KLHL1: variants seen among roughly 807,000 people sequenced by gnomAD.
The protein encoded by KLHL1 is kelch-like protein 1.
A neutral mutation model predicts 77.7 loss-of-function variants in KLHL1; 47 were observed. That is an observed-to-expected ratio of 0.60 (90% confidence interval 0.48 to 0.77). KLHL1 has a LOEUF of 0.77. Among genes scored for constraint, KLHL1 ranks in the 30% least tolerant of loss-of-function variants. The pLI is 0.00. For synonymous variants in KLHL1, 360 were observed against 325.2 expected, an observed-to-expected ratio of 1.11 and a Z score of -1.15; for missense variants, 925 against 910.8, an observed-to-expected ratio of 1.02 and a Z score of -0.20.
chr13:70,076,622 A>C (rs1837783), intron 1 of KLHL1, among the ~76,000 whole-genome samples: 107,295 of 151,494 alleles, frequency 0.71, 38,161 homozygotes, highest in East Asian at 0.88. Context: ...GAAAACAAAA[A>C]AAAACAAAAC....
chr13:70,024,688 T>G (rs889768089), intron 1 of KLHL1, among the ~76,000 whole-genome samples: 4 of 107,950 alleles, frequency 3.7e-5, no homozygotes, highest in African/African-American at 1.1e-4. Flanking sequence ...TTTTCTTTCT[T>G]TATTTCTCTT....
intron 3 of KLHL1, among the ~76,000 whole-genome samples, chr13:69,957,331 G>C (rs1289809876): frequency 6.6e-6 from 1 of 151,648 alleles, no homozygotes; most frequent in Non-Finnish European, 1.5e-5. Flanking sequence ...ATAATCCTGT[G>C]CGTTGCCAAA....
intron 7 of KLHL1, among the ~76,000 whole-genome samples, chr13:69,773,331 A>G (rs1158682119): frequency 6.6e-6 from 1 of 152,114 alleles, no homozygotes; most frequent in Non-Finnish European, 1.5e-5. Context: ...ATTGATGAAT[A>G]GTCAGAAAGT....
At chr13:70,066,630 A>G (rs905173630) in intron 1 of KLHL1, among the ~76,000 whole-genome samples, 7 of 152,286 alleles carry the variant, frequency 4.6e-5, no homozygotes, top group Middle Eastern at 3.4e-3. Context: ...AGAGACTGAT[A>G]ATGTTGGGAG....
intron 2 of KLHL1, among the ~76,000 whole-genome samples, chr13:69,972,118 T>C (rs1010610173): frequency 6.6e-6 from 1 of 152,032 alleles, no homozygotes; most frequent in East Asian, 1.9e-4. Context: ...AGATAATCTA[T>C]GTAAATAAAT....
intron 4 of KLHL1, among the ~76,000 whole-genome samples, chr13:69,914,109 G>A (rs924944530): frequency 9.2e-5 from 14 of 152,132 alleles, no homozygotes; most frequent in African/African-American, 2.4e-4. Flanking sequence ...TTTGGGACTC[G>A]GACTGGCTCT....
At chr13:69,830,257 T>C (rs964678259) in intron 6 of KLHL1, among the ~76,000 whole-genome samples, 1 of 150,196 alleles carries the variant, frequency 6.7e-6, no homozygotes. Context: ...TGGAAAAAGA[T>C]ATTCCATGCA....
intron 7 of KLHL1, among the ~76,000 whole-genome samples, chr13:69,761,903 T>A (rs1289841704): frequency 7.9e-5 from 12 of 152,208 alleles, no homozygotes; most frequent in Non-Finnish European, 1.8e-4. Context: ...GTGACTGTTC[T>A]AAATTGCTAA....
At chr13:69,944,384 T>C (rs1798503722) in intron 3 of KLHL1, among the ~76,000 whole-genome samples, 1 of 152,218 alleles carries the variant, frequency 6.6e-6, no homozygotes, top group Non-Finnish European at 1.5e-5. Flanking sequence ...GTACCTGGTT[T>C]CATTTGGCCT....
intron 5 of KLHL1, among the ~76,000 whole-genome samples, chr13:69,861,403 T>A (rs1032272878): frequency 6.6e-6 from 1 of 152,142 alleles, no homozygotes; most frequent in Non-Finnish European, 1.5e-5. Flanking sequence ...TATCAGTTTT[T>A]AAAATAGCAT....
chr13:70,094,255 G>A (rs912839203), intron 1 of KLHL1, among the ~76,000 whole-genome samples: 2 of 151,990 alleles, frequency 1.3e-5, no homozygotes, highest in African/African-American at 2.4e-5. Context: ...GAGCTCAGGA[G>A]TTCGAGGCTG....
At chr13:70,104,411 T>A (rs763929926) in intron 1 of KLHL1, among the ~76,000 whole-genome samples, 5 of 152,178 alleles carry the variant, frequency 3.3e-5, no homozygotes, top group Non-Finnish European at 5.9e-5. Context: ...TATGATAATT[T>A]GACCTTTCCA....
intron 8 of KLHL1, among the ~76,000 whole-genome samples, chr13:69,724,033 T>C (rs1178526926): frequency 6.6e-6 from 1 of 151,968 alleles, no homozygotes; most frequent in Non-Finnish European, 1.5e-5. Context: ...AAACAGGGTT[T>C]CACCATATTG....
chr13:70,021,979 C>A (rs1178185145), intron 1 of KLHL1, among the ~76,000 whole-genome samples: 3 of 151,946 alleles, frequency 2.0e-5, no homozygotes, highest in Non-Finnish European at 4.4e-5. Flanking sequence ...AGAGCAGAAA[C>A]TTTATTTTAA....
chr13:70,020,275 T>C (rs747783339), intron 1 of KLHL1, among the ~76,000 whole-genome samples: 1 of 152,108 alleles, frequency 6.6e-6, no homozygotes, highest in Non-Finnish European at 1.5e-5. Context: ...AATATGCAAA[T>C]ATGGCATAAT....
rs776385952 is a variant in KLHL1, at chr13:69,975,606, G to A, written c.680+14C>T. Reference sequence around the variant, plus strand: ...ATGTGAATGCATGTTTCCAGTAGAGGCAGACTACTGTACCTATGTGCAGGT... The same window carrying A: ...ATGTGAATGCATGTTTCCAGTAGAGACAGACTACTGTACCTATGTGCAGGT... On this transcript the variant is annotated intron_variant, in intron 2 of 10. Coordinates refer to ENST00000377844, the MANE Select transcript of KLHL1 (RefSeq NM_020866.3). 12 of 1,602,442 alleles carry A rather than the reference G, an allele frequency of 7.5e-6. No individual in the cohort carries two copies. In the African/African-American group the frequency reaches 1.5e-4, roughly 20 times the overall value.
intron 1 of KLHL1, among the ~76,000 whole-genome samples, chr13:69,981,701 A>G (rs1287755676): frequency 6.6e-6 from 1 of 151,992 alleles, no homozygotes; most frequent in Non-Finnish European, 1.5e-5. Context: ...CTTTTAAAAA[A>G]TGTTCACATA....
chr13:70,052,419 C>G (rs528120666), intron 1 of KLHL1, among the ~76,000 whole-genome samples: 1 of 151,628 alleles, frequency 6.6e-6, no homozygotes, highest in African/African-American at 2.4e-5. Context: ...AAGAAAGAGA[C>G]ATCTGTTTTG....
intron 1 of KLHL1, among the ~76,000 whole-genome samples, chr13:70,103,385 A>T (rs1305159739): frequency 6.6e-6 from 1 of 152,176 alleles, no homozygotes; most frequent in Admixed American, 6.5e-5. Context: ...CGTCCATAGT[A>T]TAAACTGTAA....
Sources: allele counts gnomAD v4.1 joint callset (sites outside exome capture counted in the v4.1 genomes callset), GRCh38; gene constraint gnomAD v4.1.1; transcripts MANE v1.5; gene names NCBI Gene and HGNC (gene_info 2026-07-23, HGNC 2026-07-21).